The following ARHGAP8 variants were observed in gnomAD, a reference collection of about 807,000 sequenced individuals.
ARHGAP8 encodes the protein Rho GTPase activating protein 8, also known as rho GTPase-activating protein 8.
ARHGAP8 carries 62 observed loss-of-function variants against 46.1 expected under a neutral mutation model. The observed-to-expected ratio is 1.34, with a 90% CI of 1.10 to 1.66. The LOEUF is 1.66. Ranked by LOEUF, ARHGAP8 falls within the 40% of genes most tolerant of loss-of-function variation. The pLI is 0.00. For synonymous variants in ARHGAP8, 375 were observed against 243.1 expected (o/e 1.54, Z -5.05); for missense variants, 923 against 568.4 (o/e 1.62, Z -6.34).
At chr22:44,808,701 C>T (rs1446300357) in intron 4 of ARHGAP8, 3 of 630,900 alleles carry the variant, frequency 4.8e-6, no homozygotes, top group South Asian at 3.0e-5. Flanking sequence ...CCATGGCTCA[C>T]ACCTGTAATC....
At chr22:44,823,358 C>T (rs1930290890) in intron 6 of ARHGAP8, among the ~76,000 whole-genome samples, 1 of 152,132 alleles carries the variant, frequency 6.6e-6, no homozygotes, top group African/African-American at 2.4e-5. Context: ...GTGAGTTTCA[C>T]AGGGACAGTT....
rs74393756 is a variant in ARHGAP8, at chr22:44,825,524, C to T, written c.527C>T (p.Pro176Leu). 3.4e-3 allele frequency: 5,566 copies of T among 1,613,428 alleles called. 144 individuals are homozygous for T. In the African/African-American group the frequency reaches 0.061, roughly 18 times the overall value. The change falls in exon 7 of 12, where the codon CCG becomes CTG. Residue 176 changes from proline to leucine, a missense_variant. Physicochemically the swap from Pro to Leu is moderately conservative, Grantham distance 98 (BLOSUM62 -3). Coordinates refer to ENST00000356099, the MANE Select transcript of ARHGAP8 (RefSeq NM_181335.3). ...KLQSLHEGRT[P>L]PPTKTPPPRP... ...CAGAGCCTGCACGAGGGCCGGACGCCGCCTCCCACCAAGACACCACCGCCG... is the reference window on the plus strand; with the variant it reads ...CAGAGCCTGCACGAGGGCCGGACGCTGCCTCCCACCAAGACACCACCGCCG...
rs201355529 is a variant in ARHGAP8, at chr22:44,859,786, A to C, written c.933A>C (p.Pro311=). Residue 311 remains proline, a synonymous_variant, in exon 11 of 12, where the codon CCA becomes CCC. Coordinates refer to ENST00000356099, the MANE Select transcript of ARHGAP8 (RefSeq NM_181335.3). ...TGCRQILRSL[P]EHNYVVLRYL... is the part of the protein sequence containing the mutation. ...GCCGCCAGATCTTACGGAGCCTCCCAGAGCACAACTACGTCGTCCTCCGCT... is the reference window on the plus strand; with the variant it reads ...GCCGCCAGATCTTACGGAGCCTCCCCGAGCACAACTACGTCGTCCTCCGCT... 1 of 1,614,000 alleles carries C rather than the reference A, an allele frequency of 6.2e-7. No individual in the cohort carries two copies. Among genetic ancestry groups the C allele is most frequent in the East Asian group, 2.2e-5 (1 of 44,886 alleles).
chr22:44,829,286 C>G (rs1180456945), intron 7 of ARHGAP8, among the ~76,000 whole-genome samples: 2 of 147,680 alleles, frequency 1.4e-5, no homozygotes, highest in African/African-American at 2.6e-5. Context: ...GCGAGACTCC[C>G]TCTCAAAAAA....
chr22:44,862,479 G>C lies in ARHGAP8; in HGVS notation c.1186G>C (p.Glu396Gln), dbSNP rs202125480. The change falls in exon 12 of 12, where the codon GAA (glutamate) becomes CAA (glutamine). Residue 396 changes from glutamate (E) to glutamine (Q), a missense_variant. By Grantham distance (29) the Glu-to-Gln change is conservative (BLOSUM62 2). Coordinates refer to ENST00000356099, the MANE Select transcript of ARHGAP8 (RefSeq NM_181335.3). Reference protein sequence around the residue: ...APGEHGLAPWEQGSRAAPLQE... With the variant: ...APGEHGLAPWQQGSRAAPLQE... ...TGGGGAGCACGGCCTGGCACCATGGGAACAGGGGAGCAGGGCAGCCCCTTT... is the reference window on the plus strand; with the variant it reads ...TGGGGAGCACGGCCTGGCACCATGGCAACAGGGGAGCAGGGCAGCCCCTTT... 24 of 1,613,496 alleles carry C rather than the reference G, an allele frequency of 1.5e-5. No homozygotes were observed. Among genetic ancestry groups the C allele is most frequent in the African/African-American group, 1.3e-5 (1 of 74,910 alleles).
chr22:44,859,571 G>A (rs2070362275), intron 10 of ARHGAP8, 160 bp from the exon 11 acceptor site: 1 of 697,452 alleles, frequency 1.4e-6, no homozygotes, highest in East Asian at 2.7e-5. Context: ...TTGCTGAGCA[G>A]AGCCATACGG....
intron 5 of ARHGAP8, 85 bp from the exon 6 acceptor site, chr22:44,822,286 C>G: frequency 8.6e-7 from 1 of 1,162,328 alleles, no homozygotes; most frequent in Non-Finnish European, 1.2e-6. Flanking sequence ...ATTGTTCTGC[C>G]GCCAACTCCC....
intron 1 of ARHGAP8, among the ~76,000 whole-genome samples, chr22:44,766,690 C>G (rs1925602374): frequency 6.6e-6 from 1 of 152,166 alleles, no homozygotes; most frequent in South Asian, 2.1e-4. Context: ...GGGGTCTTTG[C>G]TGCCCTTTCT....
At chr22:44,827,797 G>T (rs1930643672) in intron 7 of ARHGAP8, among the ~76,000 whole-genome samples, 1 of 152,128 alleles carries the variant, frequency 6.6e-6, no homozygotes, top group African/African-American at 2.4e-5. Flanking sequence ...CTTCCAGGGT[G>T]CTTGAGCCCA....
At chr22:44,846,481 C>T (rs1020425323) in intron 8 of ARHGAP8, among the ~76,000 whole-genome samples, 9 of 152,158 alleles carry the variant, frequency 5.9e-5, no homozygotes, top group African/African-American at 2.2e-4. Context: ...GAGACCATCT[C>T]CCTCAAACCC....
intron 1 of ARHGAP8, among the ~76,000 whole-genome samples, chr22:44,779,563 G>GCTTT (rs1469364309): frequency 2.9e-5 from 1 of 34,694 alleles, no homozygotes; most frequent in Admixed American, 3.1e-4. Context: ...CCAGTTTGAG[G>GCTTT]ATTTTTTTTT....
intron 1 of ARHGAP8, among the ~76,000 whole-genome samples, chr22:44,762,936 A>G (rs1477585538): frequency 6.6e-6 from 1 of 152,150 alleles, no homozygotes; most frequent in African/African-American, 2.4e-5. Flanking sequence ...GCTGTCCCAG[A>G]GGAACCAGCC....
chr22:44,861,869 G>T (rs953018608), intron 11 of ARHGAP8, among the ~76,000 whole-genome samples: 1 of 152,106 alleles, frequency 6.6e-6, no homozygotes, highest in Non-Finnish European at 1.5e-5. Flanking sequence ...CCTCGTAGTG[G>T]CCCCTAGATG....
rs1555911047 is a variant in ARHGAP8, at chr22:44,787,047, A to AAAAC, written c.79+444_79+445insCAAA. On this transcript the variant is annotated intron_variant, in intron 2 of 11. Coordinates refer to ENST00000356099, the MANE Select transcript of ARHGAP8 (RefSeq NM_181335.3). Reference sequence around the variant, plus strand: ...CCTGTCTCAAAAAAACAAAAAAAAAAAAAAGAAAGAAGTAAAACTAATTGG... The same window carrying AAAAC: ...CCTGTCTCAAAAAAACAAAAAAAAAAAAACAAAAGAAAGAAGTAAAACTAATTGG... Among the ~76,000 whole-genome samples the AAAAC allele has an allele frequency of 5.9e-4, 86 of 145,560 alleles. 2 individuals carry two copies. The highest frequency in any genetic ancestry group is 3.6e-3 in the Middle Eastern group (1 of 274).
intron 5 of ARHGAP8, among the ~76,000 whole-genome samples, chr22:44,818,313 G>A (rs1929891330): frequency 1.3e-5 from 2 of 152,066 alleles, no homozygotes; most frequent in South Asian, 4.2e-4. Context: ...GCTGGGCGTG[G>A]TGGCGCATGA....
In ARHGAP8 at chr22:44,862,451, A is replaced by AC. The variant is rs760390984; in HGVS notation, c.1160dup (p.Gly388TrpfsTer87). 2 of 1,613,852 alleles carry AC rather than the reference A, an allele frequency of 1.2e-6. No individual in the cohort carries two copies. Among genetic ancestry groups the AC allele is most frequent in the African/African-American group, 2.7e-5 (2 of 74,860 alleles). Reference sequence around the variant, plus strand: ...AAAAGATCTTCAGCACCCCGGAGGCACCTGGGGAGCACGGCCTGGCACCAT... The same window carrying AC: ...AAAAGATCTTCAGCACCCCGGAGGCACCCTGGGGAGCACGGCCTGGCACCAT... On this transcript the variant is annotated frameshift_variant, in exon 12 of 12. Transcript: ENST00000356099. LOFTEE classifies it low-confidence loss of function (END_TRUNC).
chr22:44,838,172 C>T (rs1931415376), intron 7 of ARHGAP8, among the ~76,000 whole-genome samples: 1 of 148,964 alleles, frequency 6.7e-6, no homozygotes, highest in African/African-American at 2.5e-5. Flanking sequence ...GAGTCTTGCT[C>T]TGTTGCCCAG....
At chr22:44,796,674 C>T (rs1228489863) in intron 2 of ARHGAP8, among the ~76,000 whole-genome samples, 2 of 152,270 alleles carry the variant, frequency 1.3e-5, no homozygotes, top group East Asian at 3.9e-4. Flanking sequence ...CTCTTAACTC[C>T]ACGGGAGAAG....
chr22:44,781,525 A>G (rs899709959), intron 1 of ARHGAP8, among the ~76,000 whole-genome samples: 1 of 151,782 alleles, frequency 6.6e-6, no homozygotes, highest in African/African-American at 2.4e-5. Context: ...TATTTTTTAA[A>G]TGTTTATTTA....
Sources: allele counts gnomAD v4.1 joint callset (sites outside exome capture counted in the v4.1 genomes callset), GRCh38; gene constraint gnomAD v4.1.1; transcripts MANE v1.5; gene names NCBI Gene and HGNC (gene_info 2026-07-23, HGNC 2026-07-21).